The following LAPTM4A variants were observed in gnomAD, a reference collection of about 807,000 sequenced individuals.
LAPTM4A encodes the protein lysosomal-associated transmembrane protein 4A.
In LAPTM4A, 19 loss-of-function variants were observed where a neutral mutation model predicts 29.9. The observed-to-expected ratio is 0.64, with a 90% CI of 0.44 to 0.93. The LOEUF is 0.93. LAPTM4A is among the 40% of genes least tolerant of loss of function. LAPTM4A has a pLI of 0.00. For missense variants in LAPTM4A, 293 were observed against 288.5 expected, an observed-to-expected ratio of 1.02 and a Z score of -0.11; for synonymous variants, 105 against 102.1, an observed-to-expected ratio of 1.03 and a Z score of -0.17.
rs1298340092 is a variant in LAPTM4A at position 20,047,660 on chromosome 2, G to A, written c.111+3750C>T. Among the ~76,000 whole-genome samples, 5 of 136,522 alleles carry A rather than the reference G, an allele frequency of 3.7e-5. No homozygotes were observed. In the South Asian group the frequency reaches 7.2e-4, roughly 20 times the overall value. The allele number at this position is 136,522 out of a possible 152,430, so 89.6% of individuals were successfully genotyped here. A position where few individuals can be genotyped will look rare whatever the true frequency, so the allele number is the denominator to read the frequency against. On this transcript the variant is annotated intron_variant, in intron 1 of 6. Transcript: ENST00000175091. The stretch of plus-strand genomic sequence containing the variant: ...AGCCGAGATTGCGCCACTGCGGTCC[G>A]CAGTCCGGCCTGGGCGACAGAGCGA...
chr2:20,038,462 G>A (rs768815608), intron 2 of LAPTM4A, among the ~76,000 whole-genome samples: 10 of 152,130 alleles, frequency 6.6e-5, no homozygotes, highest in Non-Finnish European at 1.5e-4. Flanking sequence ...GTCTTGCTCT[G>A]TCGCCCAGGC....
intron 1 of LAPTM4A, among the ~76,000 whole-genome samples, chr2:20,045,606 A>G (rs1013688274): frequency 3.3e-5 from 5 of 152,202 alleles, no homozygotes; most frequent in African/African-American, 1.2e-4. Flanking sequence ...AATCAGTCAA[A>G]TCAGGTGGTG....
In LAPTM4A at chr2:20,032,938, A is replaced by AC. The variant is rs567418536; in HGVS notation, c.*266dup. On this transcript the variant is annotated 3_prime_UTR_variant, in exon 7 of 7. Transcript: ENST00000175091. The stretch of plus-strand genomic sequence containing the variant: ...TGGCAAGTACCCTCTTTCCCTTCCC[A>AC]CCCCCCAATTAAAGGCAAACAATGG... 36 of 441,720 alleles carry AC rather than the reference A, an allele frequency of 8.1e-5. No homozygotes were observed. The East Asian group carries it at 1.0e-3, about 13-fold the overall frequency. 27.4% of individuals were successfully genotyped at this position (441,720 alleles called of 1,614,324 possible).
intron 1 of LAPTM4A, among the ~76,000 whole-genome samples, chr2:20,041,385 C>CA (rs1225575615): frequency 2.0e-5 from 3 of 152,148 alleles, no homozygotes; most frequent in Non-Finnish European, 4.4e-5. Context: ...ATTTATTCAT[C>CA]AGATGCCCGA....
intron 1 of LAPTM4A, among the ~76,000 whole-genome samples, chr2:20,049,319 A>G (rs537733035): frequency 1.1e-4 from 17 of 152,356 alleles, no homozygotes; most frequent in Admixed American, 9.1e-4. Flanking sequence ...CGATTTAAGA[A>G]GTTTACAATA....
intron 1 of LAPTM4A, among the ~76,000 whole-genome samples, chr2:20,046,814 TAG>T (rs1287174126): frequency 7.6e-6 from 1 of 130,866 alleles, no homozygotes; most frequent in African/African-American, 2.6e-5. Flanking sequence ...TTTTTTTTGG[TAG>T]AGAGGGGGTT....
chr2:20,047,696 C>CAAAAAAAAAAAAAAAAAAAAAAAAG (rs61601787), intron 1 of LAPTM4A, among the ~76,000 whole-genome samples: 1 of 76,718 alleles, frequency 1.3e-5, no homozygotes, highest in African/African-American at 5.0e-5. Context: ...GACTCCGTCT[C>CAAAAAAAAAAAAAAAAAAAAAAAAG]AAAAAAAAAA....
intron 1 of LAPTM4A, among the ~76,000 whole-genome samples, chr2:20,046,739 A>G (rs915310987): frequency 2.1e-5 from 3 of 145,418 alleles, no homozygotes; most frequent in African/African-American, 7.5e-5. Context: ...ATCTATATAT[A>G]AATATATATT....
chr2:20,033,749 C>T (rs983020867), intron 6 of LAPTM4A, among the ~76,000 whole-genome samples: 17 of 152,134 alleles, frequency 1.1e-4, no homozygotes, highest in African/African-American at 3.9e-4. Flanking sequence ...AACAGGCACA[C>T]CTATGCAGTG....
intron 2 of LAPTM4A, among the ~76,000 whole-genome samples, chr2:20,038,078 C>T (rs1322737272): frequency 1.3e-5 from 2 of 152,194 alleles, no homozygotes; most frequent in Non-Finnish European, 2.9e-5. Flanking sequence ...GAAGGAATGG[C>T]TGGCAATTGC....
intron 1 of LAPTM4A, among the ~76,000 whole-genome samples, chr2:20,044,194 C>T (rs899212268): frequency 6.6e-6 from 1 of 152,090 alleles, no homozygotes; most frequent in African/African-American, 2.4e-5. Context: ...TTTTGGCCAG[C>T]GTGTGTGGTG....
intron 1 of LAPTM4A, among the ~76,000 whole-genome samples, chr2:20,049,996 CTA>C (rs1453977675): frequency 1.3e-5 from 2 of 152,194 alleles, no homozygotes; most frequent in African/African-American, 2.4e-5. Flanking sequence ...GTCATTAACT[CTA>C]TGTTTAGTAT....
chr2:20,042,201 G>C (rs1673813839), intron 1 of LAPTM4A, among the ~76,000 whole-genome samples: 1 of 152,170 alleles, frequency 6.6e-6, no homozygotes. Context: ...TTGGCCTCAA[G>C]TGATCCTCCT....
At chr2:20,045,782 T>C (rs968511679) in intron 1 of LAPTM4A, among the ~76,000 whole-genome samples, 1 of 152,164 alleles carries the variant, frequency 6.6e-6, no homozygotes, top group East Asian at 1.9e-4. Flanking sequence ...TCCAGAAGAT[T>C]CTCTGGAGAC....
intron 2 of LAPTM4A, 147 bp downstream of exon 2, chr2:20,040,744 T>G (rs534916274): frequency 2.7e-6 from 2 of 740,680 alleles, no homozygotes; most frequent in African/African-American, 3.5e-5. Context: ...CTACGCTATC[T>G]AGGTTTGTGT....
intron 1 of LAPTM4A, among the ~76,000 whole-genome samples, chr2:20,045,905 G>A (rs1385891514): frequency 6.6e-6 from 1 of 152,184 alleles, no homozygotes; most frequent in African/African-American, 2.4e-5. Context: ...CCAGATAAGG[G>A]CTTCCCATGC....
rs376047369 is a variant in LAPTM4A at position 20,034,222 on chromosome 2, G to A, written c.627+95C>T. ...CCCAGGGTTCATGCCCAAACCATAG[G>A]TTACAGCATGAAAGAGAAAGTCAAG... On this transcript the variant is annotated intron_variant, in intron 6 of 6. Coordinates refer to ENST00000175091, the MANE Select transcript of LAPTM4A (RefSeq NM_014713.5). The A allele has an allele frequency of 1.0e-5, 9 of 873,666 alleles. No homozygotes were observed. In the African/African-American group the frequency reaches 1.3e-4, roughly 13 times the overall value. The allele number at this position is 873,666 out of a possible 1,614,324, so 54.1% of individuals were successfully genotyped here.
Position 20,051,489 on chromosome 2 carries a change from C to T in LAPTM4A, c.32G>A (p.Ser11Asn). The T allele has an allele frequency of 6.2e-7, 1 of 1,611,854 alleles. No homozygotes were observed. Among genetic ancestry groups the T allele is most frequent in the Non-Finnish European group, 8.5e-7 (1 of 1,178,966 alleles). Residue 11 changes from serine (S) to asparagine (N), a missense_variant, in exon 1 of 7, where the codon AGT (serine) becomes AAT (asparagine). Coordinates refer to ENST00000175091, the MANE Select transcript of LAPTM4A (RefSeq NM_014713.5). MVSMSFKRNR[S>N]DRFYSTRCCG... is the part of the protein sequence containing the mutation. Reference sequence around the variant, plus strand: ...GCACCGGGTGCTGTAGAACCGGTCACTGCGGTTCCGCTTGAAACTCATGGA... The same window carrying T: ...GCACCGGGTGCTGTAGAACCGGTCATTGCGGTTCCGCTTGAAACTCATGGA...
At chr2:20,038,981 A>G (rs13402951) in intron 2 of LAPTM4A, among the ~76,000 whole-genome samples, 3,239 of 151,812 alleles carry the variant, frequency 0.021, 108 homozygotes, top group African/African-American at 0.073. Context: ...CAGTGGCACA[A>G]TCTCAGCTCA....
Sources: allele counts gnomAD v4.1 joint callset (sites outside exome capture counted in the v4.1 genomes callset), GRCh38; gene constraint gnomAD v4.1.1; transcripts MANE v1.5; gene names NCBI Gene and HGNC (gene_info 2026-07-23, HGNC 2026-07-21).